The following DLC1 variants were observed in gnomAD, a reference collection of about 807,000 sequenced individuals.
DLC1 encodes the protein DLC1 Rho GTPase activating protein.
A neutral mutation model predicts 140.3 loss-of-function variants in DLC1; 54 were observed. The ratio of observed to expected loss-of-function variants is 0.38; its 90% CI spans 0.31 to 0.48. DLC1 has a LOEUF of 0.48. DLC1 is among the 20% of genes least tolerant of loss of function. The probability of loss-of-function intolerance (pLI) is 0.96; values close to 1 mark genes in which losing one functional copy is unlikely to be tolerated. For synonymous variants in DLC1, 986 were observed against 728.1 expected (o/e 1.35, Z -5.70); for missense variants, 2,536 against 1,907.0 (o/e 1.33, Z -6.14).
chr8:13,282,140 G>GA (rs1429375474), intron 5 of DLC1, among the ~76,000 whole-genome samples: 5 of 152,156 alleles, frequency 3.3e-5, no homozygotes, highest in Non-Finnish European at 5.9e-5. Context: ...TTCCACTTCA[G>GA]AAAAATACCT....
intron 1 of DLC1, among the ~76,000 whole-genome samples, chr8:13,574,734 T>C (rs2117423632): frequency 6.6e-6 from 1 of 152,314 alleles, no homozygotes; most frequent in African/African-American, 2.4e-5. Context: ...AATGAAACTC[T>C]TGAGATAGAA....
At chr8:13,363,277 C>T (rs1355971443) in intron 4 of DLC1, among the ~76,000 whole-genome samples, 4 of 151,726 alleles carry the variant, frequency 2.6e-5, no homozygotes, top group African/African-American at 9.7e-5. Context: ...AGAGTCATTG[C>T]TTTCTGTCTG....
intron 7 of DLC1, among the ~76,000 whole-genome samples, chr8:13,107,935 A>C (rs1313224603): frequency 1.3e-5 from 2 of 152,106 alleles, no homozygotes; most frequent in African/African-American, 4.8e-5. Context: ...AATCCCAGCT[A>C]TTCAGGGGGC....
intron 7 of DLC1, among the ~76,000 whole-genome samples, chr8:13,110,070 TA>T (rs1396728287): frequency 6.6e-6 from 1 of 152,140 alleles, no homozygotes; most frequent in Non-Finnish European, 1.5e-5. Flanking sequence ...ATGAAAAACT[TA>T]AAATGAGTAG....
intron 5 of DLC1, among the ~76,000 whole-genome samples, chr8:13,185,543 G>C (rs182172311): frequency 6.6e-6 from 1 of 152,174 alleles, no homozygotes; most frequent in African/African-American, 2.4e-5. Context: ...TCCTGACCTT[G>C]TGATCTGCTC....
At chr8:13,593,659 C>T (rs909354624) in intron 1 of DLC1, among the ~76,000 whole-genome samples, 5 of 151,884 alleles carry the variant, frequency 3.3e-5, no homozygotes, top group Admixed American at 6.6e-5. Flanking sequence ...GAACCCCGCC[C>T]GATTCATACA....
chr8:13,494,763 C>T (rs1801424551), intron 2 of DLC1, among the ~76,000 whole-genome samples: 1 of 152,014 alleles, frequency 6.6e-6, no homozygotes, highest in African/African-American at 2.4e-5. Flanking sequence ...CCAGGCTGGC[C>T]AACATGGCGA....
intron 5 of DLC1, among the ~76,000 whole-genome samples, chr8:13,255,484 C>G (rs945456151): frequency 1.6e-4 from 25 of 152,002 alleles, no homozygotes; most frequent in Non-Finnish European, 4.4e-5. Context: ...AACTTAAGTA[C>G]TCAGCAAATA....
chr8:13,138,726 A>C (rs984980129), intron 5 of DLC1, among the ~76,000 whole-genome samples: 6 of 152,098 alleles, frequency 3.9e-5, no homozygotes, highest in African/African-American at 1.4e-4. Context: ...AGCTTTCGTG[A>C]CCCCAATCTG....
intron 2 of DLC1, among the ~76,000 whole-genome samples, chr8:13,470,084 T>A (rs73208057): frequency 2.0e-5 from 3 of 151,726 alleles, no homozygotes; most frequent in African/African-American, 7.3e-5. Context: ...TTTTTCCCCC[T>A]TTGGTGAACC....
chr8:13,304,140 A>G (rs533227642), intron 5 of DLC1, among the ~76,000 whole-genome samples: 58 of 152,310 alleles, frequency 3.8e-4, no homozygotes, highest in Middle Eastern at 6.8e-3. Context: ...AATCCATTCA[A>G]TATATGGTAA....
chr8:13,412,430 CA>C (rs1837820882), intron 2 of DLC1, among the ~76,000 whole-genome samples: 1 of 152,004 alleles, frequency 6.6e-6, no homozygotes, highest in South Asian at 2.1e-4. Context: ...TGCACGCATG[CA>C]AAGACAGTAT....
At chr8:13,566,929 C>T in intron 1 of DLC1, 18 of 1,466,432 alleles carry the variant, frequency 1.2e-5, no homozygotes, top group South Asian at 2.9e-5. Flanking sequence ...CAGCTCCTGA[C>T]GGGTTCCTGA....
chr8:13,538,713 A>T (rs9650363), intron 1 of DLC1, among the ~76,000 whole-genome samples: 1 of 152,118 alleles, frequency 6.6e-6, no homozygotes, highest in African/African-American at 2.4e-5. Flanking sequence ...ACTTAATGTC[A>T]TTATGTATCT....
At chr8:13,177,608 T>A (rs1478408317) in intron 5 of DLC1, among the ~76,000 whole-genome samples, 1 of 152,252 alleles carries the variant, frequency 6.6e-6, no homozygotes, top group African/African-American at 2.4e-5. Flanking sequence ...TCGAGTGGAA[T>A]TTGAAGGACA....
chr8:13,209,042 A>G (rs1270881539), intron 5 of DLC1, among the ~76,000 whole-genome samples: 1 of 152,192 alleles, frequency 6.6e-6, no homozygotes, highest in East Asian at 1.9e-4. Flanking sequence ...GAATAACTTG[A>G]TGACTTTGAT....
At chr8:13,348,964 C>T (rs1834504239) in intron 4 of DLC1, among the ~76,000 whole-genome samples, 1 of 152,138 alleles carries the variant, frequency 6.6e-6, no homozygotes, top group African/African-American at 2.4e-5. Flanking sequence ...GCAGCAGCCG[C>T]TCTGGAAGGT....
chr8:13,382,473 A>G (rs562209483), intron 4 of DLC1, among the ~76,000 whole-genome samples: 1 of 123,844 alleles, frequency 8.1e-6, no homozygotes, highest in African/African-American at 3.0e-5. Context: ...GCGCCACTGC[A>G]CTCCAGCCTG....
At chr8:13,248,747 G>C (rs1351192773) in intron 5 of DLC1, among the ~76,000 whole-genome samples, 1 of 152,060 alleles carries the variant, frequency 6.6e-6, no homozygotes, top group African/African-American at 2.4e-5. Context: ...TCCACAGCTG[G>C]GTGGAGCCAG....
Sources: gnomAD v4.1 joint callset for allele counts (sites outside exome capture counted in the v4.1 genomes callset) on GRCh38, gnomAD v4.1.1 for gene constraint, MANE v1.5 for transcripts, NCBI Gene and HGNC (gene_info 2026-07-23, HGNC 2026-07-21) for gene names.